KIF5B: variants seen among roughly 807,000 people sequenced by gnomAD.
KIF5B encodes the protein kinesin-1 heavy chain.
Under a neutral mutation model 132.8 loss-of-function variants are expected in KIF5B, and 49 were observed. That is an observed-to-expected ratio of 0.37 (90% CI 0.29 to 0.47). The LOEUF (loss-of-function observed/expected upper bound fraction) is 0.47, where lower values mean the gene tolerates loss of function less well. KIF5B is among the 20% of genes least tolerant of loss of function. KIF5B has a pLI of 1.00. For missense variants in KIF5B, 780 were observed against 1,144.0 expected, an observed-to-expected ratio of 0.68 and a Z score of 4.59; for synonymous variants, 355 against 369.4, an observed-to-expected ratio of 0.96 and a Z score of 0.45.
chr10:32,041,061 G>T (rs1020204441), intron 2 of KIF5B, among the ~76,000 whole-genome samples: 2 of 148,570 alleles, frequency 1.3e-5, no homozygotes, highest in African/African-American at 5.0e-5. Flanking sequence ...CACAAAAATC[G>T]CCTGAGCCCA....
intron 15 of KIF5B, among the ~76,000 whole-genome samples, chr10:32,026,975 C>T (rs1158645200): frequency 1.3e-5 from 2 of 152,160 alleles, no homozygotes; most frequent in African/African-American, 4.8e-5. Context: ...TTGCCTCCAT[C>T]AACAAACAGT....
In KIF5B at chr10:32,017,154, G is replaced by A; in HGVS notation, c.2750C>T (p.Ser917Phe). The change falls in exon 24 of 26, where the codon TCT becomes TTT. Residue 917 changes from serine to phenylalanine, a missense_variant. Around this residue, in one of 9 missense-constraint regions of KIF5B, gnomAD observed 90 missense variants for 101.8 expected, o/e 0.88. Coordinates refer to ENST00000302418, the MANE Select transcript of KIF5B (RefSeq NM_004521.3). ...TGTGTTCTACTAACCAATCTGTGCAGAATGCCCTCTTCTGGCCATATTCTT... is the reference window on the plus strand; with the variant it reads ...TGTGTTCTACTAACCAATCTGTGCAAAATGCCCTCTTCTGGCCATATTCTT... ...RSKNMARRGH[S>F]AQIAKPIRPG... 1.2e-6 allele frequency: 2 copies of A among 1,613,240 alleles called. No individual in the cohort carries two copies. Among genetic ancestry groups the A allele is most frequent in the South Asian group, 2.2e-5 (2 of 91,062 alleles).
intron 13 of KIF5B, 111 bp downstream of exon 13, chr10:32,032,595 C>G (rs931517276): frequency 7.4e-6 from 6 of 810,706 alleles, no homozygotes; most frequent in Non-Finnish European, 1.3e-5. Flanking sequence ...CTTATTCCCA[C>G]AAAGACAGTC....
chr10:32,024,651 G>A (rs1353099419), intron 15 of KIF5B, among the ~76,000 whole-genome samples: 1 of 151,892 alleles, frequency 6.6e-6, no homozygotes, highest in African/African-American at 2.4e-5. Context: ...TGTAGTCCCA[G>A]CTACTCGGGA....
chr10:32,045,220 G>A (rs1009350117), intron 2 of KIF5B, among the ~76,000 whole-genome samples: 3 of 151,902 alleles, frequency 2.0e-5, no homozygotes, highest in African/African-American at 7.3e-5. Flanking sequence ...AACAGCATGA[G>A]AAAGATAAAA....
intron 15 of KIF5B, among the ~76,000 whole-genome samples, chr10:32,027,482 CTAT>C (rs67712946): frequency 0.21 from 30,311 of 143,920 alleles, 3,261 homozygotes; most frequent in Non-Finnish European, 0.26. Context: ...ATTCTCTCTA[CTAT>C]TATATGTTTG....
Position 32,021,271 on chromosome 10 carries a change from C to G in KIF5B, c.2049G>C (p.Met683Ile). Residue 683 changes from methionine (M) to isoleucine (I), a missense_variant, in exon 18 of 26, where the codon ATG becomes ATC. By Grantham distance (10) the Met-to-Ile change is conservative. Transcript: ENST00000302418. ...GAACCTTATTTAAGTGCTCCTTTTC[C>G]ATTTCATGGACTTTCTCTGTTTGAA... ...QLRAQEKVHE[M>I]EKEHLNKVQT... The G allele has an allele frequency of 6.2e-7, 1 of 1,612,108 alleles. No individual in the cohort carries two copies. The highest frequency in any genetic ancestry group is 1.1e-5 in the South Asian group (1 of 91,006).
At position 32,014,647 on chromosome 10, in the gene KIF5B, ATATAAT is replaced by A. The variant is rs1311296523; in HGVS notation, c.*20+856_*20+861del. 5.4e-4 allele frequency among the ~76,000 whole-genome samples: 82 copies of A among 152,324 alleles called. No individual in the cohort carries two copies. The Middle Eastern group carries it at 0.017, about 32-fold the overall frequency. ...GCCCTACAAAGAACAGATATTACTT[ATATAAT>A]TATAAATAAAACTCAGAAATCTGTT... On this transcript the variant is annotated intron_variant, in intron 25 of 25. Transcript: ENST00000302418.
chr10:32,056,270 G>A lies in KIF5B; in HGVS notation c.-297C>T, dbSNP rs1841762673. 3 of 367,098 alleles carry A rather than the reference G, an allele frequency of 8.2e-6. No homozygotes were observed. The highest frequency in any genetic ancestry group is 9.9e-6 in the Non-Finnish European group (2 of 202,258). The allele number at this position is 367,098 out of a possible 1,614,324, so 22.7% of individuals were successfully genotyped here. On this transcript the variant is annotated 5_prime_UTR_variant, in exon 1 of 26. Transcript: ENST00000302418. ...CTCAGCGTCCCCCTTTACGGTCTGG[G>A]CGGACTGCGGGGGCTGGGGAGGTTC...
At chr10:32,036,930 T>C (rs1328646169) in intron 8 of KIF5B, among the ~76,000 whole-genome samples, 2 of 152,184 alleles carry the variant, frequency 1.3e-5, no homozygotes, top group Admixed American at 1.3e-4. Context: ...ACTGCCAATA[T>C]GGATAAAATA....
Position 32,021,258 on chromosome 10 carries a change from A to AAT in KIF5B, c.2061_2062insAT (p.Leu688IlefsTer2), listed in dbSNP as rs1473010506. 6.2e-7 allele frequency: 1 copy of AAT among 1,613,132 alleles called. No individual in the cohort carries two copies. The highest frequency in any genetic ancestry group is 2.2e-5 in the East Asian group (1 of 44,834). On this transcript the variant is annotated frameshift_variant, in exon 18 of 26. Coordinates refer to ENST00000302418, the MANE Select transcript of KIF5B (RefSeq NM_004521.3). LOFTEE classifies it high-confidence loss of function. ...TCATTTGCAGTCTGAACCTTATTTA[A>AAT]GTGCTCCTTTTCCATTTCATGGACT...
chr10:32,026,797 A>G (rs1165639713), intron 15 of KIF5B, among the ~76,000 whole-genome samples: 1 of 152,206 alleles, frequency 6.6e-6, no homozygotes, highest in Admixed American at 6.5e-5. Flanking sequence ...GCGATATGAA[A>G]TAAATGTACT....
intron 2 of KIF5B, 48 bp from the exon 3 acceptor site, chr10:32,040,505 A>C (rs1266370089): frequency 1.9e-6 from 2 of 1,069,750 alleles, no homozygotes; most frequent in African/African-American, 3.1e-5. Context: ...CTTAAGCAAG[A>C]TTCCTAAGAA....
chr10:32,054,098 C>T (rs534167258), intron 1 of KIF5B, among the ~76,000 whole-genome samples: 1 of 152,290 alleles, frequency 6.6e-6, no homozygotes, highest in South Asian at 2.1e-4. Context: ...TCTGTGTAAA[C>T]ACAAAATCTG....
rs372917957 is a variant in KIF5B at position 32,019,964 on chromosome 10, C to T, written c.2205-5G>A. 4.5e-5 allele frequency: 71 copies of T among 1,576,038 alleles called. No individual in the cohort carries two copies. Among genetic ancestry groups the T allele is most frequent in the Non-Finnish European group, 5.4e-5 (63 of 1,159,698 alleles). On this transcript the variant is annotated splice_polypyrimidine_tract_variant and splice_region_variant and intron_variant, in intron 19 of 25. Coordinates refer to ENST00000302418, the MANE Select transcript of KIF5B (RefSeq NM_004521.3). ...AACATCATTTTCTGGTTTTGGCTGA[C>T]GAAAGAAAAAAATAATTAACACAGT...
At chr10:32,028,254 C>A (rs1310957093) in intron 15 of KIF5B, among the ~76,000 whole-genome samples, 174 bp downstream of exon 15, 2 of 152,158 alleles carry the variant, frequency 1.3e-5, no homozygotes, top group African/African-American at 4.8e-5. Flanking sequence ...TTTGGGTGCC[C>A]TTATTCTCTT....
At chr10:32,040,703 T>C (rs1841523575) in intron 2 of KIF5B, among the ~76,000 whole-genome samples, 1 of 151,396 alleles carries the variant, frequency 6.6e-6, no homozygotes, top group Non-Finnish European at 1.5e-5. Context: ...AATAAAATAT[T>C]GTGGGAGTGG....
At chr10:32,033,529 T>C (rs1592447140) in intron 12 of KIF5B, among the ~76,000 whole-genome samples, 1 of 152,314 alleles carries the variant, frequency 6.6e-6, no homozygotes, top group South Asian at 2.1e-4. Flanking sequence ...CTCCCCGACC[T>C]GATCCACGGA....
intron 1 of KIF5B, 34 bp downstream of exon 1, chr10:32,055,814 A>G: frequency 6.2e-7 from 1 of 1,605,962 alleles, no homozygotes; most frequent in Non-Finnish European, 8.5e-7. Flanking sequence ...GGCCCGAAGA[A>G]GCGGGAGGAG....
Sources: allele counts gnomAD v4.1 joint callset (sites outside exome capture counted in the v4.1 genomes callset), GRCh38; gene constraint gnomAD v4.1.1; regional missense constraint gnomAD v4.1.1; transcripts MANE v1.5; gene names NCBI Gene and HGNC (gene_info 2026-07-23, HGNC 2026-07-21).